ANK2: variants seen among roughly 807,000 people sequenced by gnomAD.
ANK2 encodes ankyrin-2.
In ANK2, 83 loss-of-function variants were observed where a neutral mutation model predicts 360.5. The ratio of observed to expected loss-of-function variants is 0.23; its 90% CI spans 0.19 to 0.28. The LOEUF (loss-of-function observed/expected upper bound fraction) is 0.28, where lower values mean the gene tolerates loss of function less well. Ranked by LOEUF, ANK2 falls within the 10% of genes least tolerant of loss-of-function variation. ANK2 has a pLI of 1.00. For synonymous variants in ANK2, 1,740 were observed against 1,759.5 expected (o/e 0.99, Z 0.28); for missense variants, 4,201 against 4,795.7 (o/e 0.88, Z 3.66).
rs1328490060 is a variant in ANK2, at chr4:113,174,488, G to C, written c.157G>C (p.Gly53Arg). 1 of 1,612,826 alleles carries C rather than the reference G, an allele frequency of 6.2e-7. No individual in the cohort carries two copies. The highest frequency in any genetic ancestry group is 8.5e-7 in the Non-Finnish European group (1 of 1,179,244). ...GGACAAAGTTGTGGAATATCTGAAG[G>C]GGGGCATAGACATCAATACCTGCAA... ...NLDKVVEYLKGGIDINTCNQN... is the reference protein window; with the variant it reads ...NLDKVVEYLKRGIDINTCNQN... Residue 53 changes from glycine (G) to arginine (R), a missense_variant, in exon 2 of 46, where the codon GGG becomes CGG. Gly to Arg is a moderately radical substitution (Grantham distance 125). Coordinates refer to ENST00000357077, the MANE Select transcript of ANK2 (RefSeq NM_001148.6).
rs112815144 is a variant in ANK2, at chr4:112,887,404, C to T, written c.-39-17051C>T. On this transcript the variant is annotated intron_variant, in intron 1 of 30. Coordinates refer to the ANK2 transcript ENST00000503271. ...GTTTGAGATTGGCAAGGCTAAGCTA[C>T]GCTGTTTGGTAGGTTAGGTGTATTA... Among the ~76,000 whole-genome samples, 35 of 152,152 alleles carry T rather than the reference C, an allele frequency of 2.3e-4. 2 individuals are homozygous for T. The highest frequency in any genetic ancestry group is 4.3e-4 in the Non-Finnish European group (29 of 68,030).
intron 1 of ANK2, among the ~76,000 whole-genome samples, chr4:113,121,909 C>T (rs986605088): frequency 1.3e-5 from 2 of 151,944 alleles, no homozygotes; most frequent in Non-Finnish European, 2.9e-5. Flanking sequence ...TAATTGATAG[C>T]AATGATAATA....
At chr4:113,343,352 T>C (rs773426455) in intron 34 of ANK2, among the ~76,000 whole-genome samples, 7 of 152,164 alleles carry the variant, frequency 4.6e-5, no homozygotes, top group Non-Finnish European at 7.4e-5. Flanking sequence ...TATTTAAGGA[T>C]GAGAACAGGA....
intron 17 of ANK2, among the ~76,000 whole-genome samples, chr4:113,280,178 A>G (rs1423879723): frequency 2.0e-5 from 3 of 152,208 alleles, no homozygotes; most frequent in African/African-American, 7.2e-5. Context: ...ATGTGCAAAG[A>G]AAGGATTATA....
chr4:113,334,198 A>T (rs1000130994), intron 29 of ANK2, among the ~76,000 whole-genome samples: 11 of 152,208 alleles, frequency 7.2e-5, no homozygotes, highest in Non-Finnish European at 1.0e-4. Context: ...CCACGGTTTG[A>T]ATAAGAATAG....
At chr4:113,237,310 T>C (rs1310286711) in intron 6 of ANK2, 138 bp downstream of exon 6, 72 of 1,138,872 alleles carry the variant, frequency 6.3e-5, no homozygotes, top group Non-Finnish European at 6.0e-5. Flanking sequence ...CTTTCAGAGG[T>C]ATTTCAGAAA....
chr4:112,961,281 T>A (rs17045157), intron 2 of ANK2, among the ~76,000 whole-genome samples: 1,893 of 152,196 alleles, frequency 0.012, 37 homozygotes, highest in African/African-American at 0.041. Context: ...ACAACATAAC[T>A]ATTGAATGCT....
At chr4:112,744,471 C>T in the ANK2 span, among the ~76,000 whole-genome samples, 5 of 151,818 alleles carry the variant, frequency 3.3e-5, no homozygotes, top group African/African-American at 7.3e-5. Context: ...CTCAGCCTCC[C>T]GAGTAGCTGG....
At chr4:113,074,093 G>T (rs558412398) in intron 1 of ANK2, among the ~76,000 whole-genome samples, 221 of 152,216 alleles carry the variant, frequency 1.5e-3, no homozygotes, top group African/African-American at 5.0e-3. Context: ...TTTACGTGAA[G>T]GATTTGCTCT....
At chr4:112,791,238 C>T in the ANK2 span, among the ~76,000 whole-genome samples, 2 of 152,132 alleles carry the variant, frequency 1.3e-5, no homozygotes, top group Non-Finnish European at 1.5e-5. Context: ...AGCTGGTGAG[C>T]CACCTGTCTG....
chr4:113,263,313 T>C (rs1314429316), intron 13 of ANK2, among the ~76,000 whole-genome samples: 6 of 152,002 alleles, frequency 3.9e-5, no homozygotes, highest in Non-Finnish European at 8.8e-5. Flanking sequence ...GTGATACATC[T>C]AAAGTCTGAA....
At position 113,255,760 on chromosome 4, in the gene ANK2, C is replaced by CT; in HGVS notation, c.1017dup (p.Ala340CysfsTer20). The CT allele has an allele frequency of 6.2e-7, 1 of 1,614,122 alleles. No homozygotes were observed. The highest frequency in any genetic ancestry group is 1.3e-5 in the African/African-American group (1 of 75,016). Reference sequence around the variant, plus strand: ...AATGGGCTGTCTCCACTACACATGGCTGCCCAGGGAGACCACGTGGAATGT... The same window carrying CT: ...AATGGGCTGTCTCCACTACACATGGCTTGCCCAGGGAGACCACGTGGAATGT... On this transcript the variant is annotated frameshift_variant, in exon 11 of 46. Coordinates refer to ENST00000357077, the MANE Select transcript of ANK2 (RefSeq NM_001148.6). LOFTEE classifies it high-confidence loss of function.
chr4:112,767,939 T>C, the ANK2 span, among the ~76,000 whole-genome samples: 27 of 152,070 alleles, frequency 1.8e-4, no homozygotes, highest in Non-Finnish European at 3.5e-4. Flanking sequence ...CCTCTGCCTT[T>C]TACTGGAAAA....
At chr4:112,786,870 T>C in the ANK2 span, among the ~76,000 whole-genome samples, 1 of 150,304 alleles carries the variant, frequency 6.7e-6, no homozygotes, top group Non-Finnish European at 1.5e-5. Flanking sequence ...TGTCTCAGCC[T>C]CCCGAGTAGC....
At chr4:113,283,631 C>T (rs1333674804) in intron 18 of ANK2, among the ~76,000 whole-genome samples, 1 of 152,116 alleles carries the variant, frequency 6.6e-6, no homozygotes, top group East Asian at 1.9e-4. Flanking sequence ...ATCCATCCAT[C>T]TACATAAAGA....
intron 2 of ANK2, among the ~76,000 whole-genome samples, chr4:112,951,536 T>C (rs2095000234): frequency 6.6e-6 from 1 of 152,244 alleles, no homozygotes; most frequent in Non-Finnish European, 1.5e-5. Flanking sequence ...TTTCTGATTA[T>C]TTTCTTCATT....
the ANK2 span, among the ~76,000 whole-genome samples, chr4:112,777,307 C>T: frequency 6.6e-6 from 1 of 151,942 alleles, no homozygotes; most frequent in Non-Finnish European, 1.5e-5. Flanking sequence ...GGCAGGATCT[C>T]AGCTCACTGC....
At chr4:113,165,848 G>A (rs2097734899) in intron 1 of ANK2, among the ~76,000 whole-genome samples, 1 of 152,132 alleles carries the variant, frequency 6.6e-6, no homozygotes, top group Non-Finnish European at 1.5e-5. Flanking sequence ...GGTGTGGTAA[G>A]TTTTAACATG....
intron 1 of ANK2, among the ~76,000 whole-genome samples, chr4:112,866,115 A>T (rs921873599): frequency 6.6e-6 from 1 of 152,246 alleles, no homozygotes; most frequent in Non-Finnish European, 1.5e-5. Context: ...GCTGAGGTGC[A>T]GCATACAGTG....
Sources: gnomAD v4.1 joint callset for allele counts (sites outside exome capture counted in the v4.1 genomes callset) on GRCh38, gnomAD v4.1.1 for gene constraint, MANE v1.5 for transcripts, NCBI Gene and HGNC (gene_info 2026-07-23, HGNC 2026-07-21) for gene names.